Variants in GRIN2A observed in about 807,000 individuals in gnomAD.
The protein encoded by GRIN2A is glutamate ionotropic receptor NMDA type subunit 2A, also known as glutamate receptor ionotropic, NMDA 2A.
Under a neutral mutation model 113.4 loss-of-function variants are expected in GRIN2A, and 22 were observed. The ratio of observed to expected loss-of-function variants is 0.19; its 90% confidence interval spans 0.14 to 0.28. The LOEUF is 0.28. GRIN2A is among the 10% of genes least tolerant of loss of function. The probability of loss-of-function intolerance (pLI) is 1.00; values close to 1 mark genes in which losing one functional copy is unlikely to be tolerated. For synonymous variants in GRIN2A, 827 were observed against 738.4 expected (o/e 1.12, Z -1.94); for missense variants, 1,502 against 1,887.0 (o/e 0.80, Z 3.78).
chr16:10,053,731 G>A (rs1046136289), intron 2 of GRIN2A, among the ~76,000 whole-genome samples: 1 of 152,218 alleles, frequency 6.6e-6, no homozygotes, highest in Non-Finnish European at 1.5e-5. Context: ...CAGTAAAAGA[G>A]CTGTATTAGT....
rs577893273 is a variant in GRIN2A, at chr16:9,753,875, C to G, written c.*9274G>C. 5.6e-6 allele frequency: 1 copy of G among 178,612 alleles called. No individual in the cohort carries two copies. Among genetic ancestry groups the G allele is most frequent in the Non-Finnish European group, 1.2e-5 (1 of 83,296 alleles). The allele number at this position is 178,612 out of a possible 1,614,324, so 11.1% of individuals were successfully genotyped here. A position where few individuals can be genotyped will look rare whatever the true frequency, so the allele number is the denominator to read the frequency against. On this transcript the variant is annotated 3_prime_UTR_variant, in exon 13 of 13. Transcript: ENST00000330684. ...GGTTTTGGATTCTGTTTGAATGTAG[C>G]TGTGAATAGAAACCCTCTGCATATG... is the stretch of plus-strand genomic sequence containing the variant.
intron 2 of GRIN2A, among the ~76,000 whole-genome samples, chr16:10,035,326 C>T (rs1205206931): frequency 6.6e-6 from 1 of 152,170 alleles, no homozygotes; most frequent in East Asian, 1.9e-4. Context: ...ACTCCCCACC[C>T]ATCCTCACTG....
At chr16:10,141,184 C>T (rs1208725365) in intron 2 of GRIN2A, among the ~76,000 whole-genome samples, 1 of 151,996 alleles carries the variant, frequency 6.6e-6, no homozygotes. Flanking sequence ...CAGAGCAAGA[C>T]ACTGTCTCAA....
chr16:9,960,808 A>G (rs1340916349), intron 2 of GRIN2A, among the ~76,000 whole-genome samples: 2 of 152,110 alleles, frequency 1.3e-5, no homozygotes, highest in Non-Finnish European at 2.9e-5. Context: ...TATTTTTGGC[A>G]GAGATGAGGT....
At chr16:10,033,536 A>C (rs2046968173) in intron 2 of GRIN2A, 1 of 152,214 alleles carries the variant, frequency 6.6e-6, no homozygotes. Flanking sequence ...CATCAAGCTA[A>C]ATGTGTTTGG....
chr16:10,102,469 C>T (rs2048418862), intron 2 of GRIN2A, among the ~76,000 whole-genome samples: 1 of 152,202 alleles, frequency 6.6e-6, no homozygotes, highest in Non-Finnish European at 1.5e-5. Flanking sequence ...GCCTGCAGAA[C>T]CGTGAGCCAA....
At chr16:10,100,335 C>A (rs2048369805) in intron 2 of GRIN2A, among the ~76,000 whole-genome samples, 1 of 152,176 alleles carries the variant, frequency 6.6e-6, no homozygotes, top group East Asian at 1.9e-4. Context: ...GAGCAAGAAG[C>A]AAAGATGCTT....
intron 2 of GRIN2A, among the ~76,000 whole-genome samples, chr16:9,994,608 A>C (rs916450734): frequency 7.9e-5 from 12 of 152,322 alleles, no homozygotes; most frequent in African/African-American, 2.6e-4. Context: ...GATTTGTATC[A>C]AAACAGACAA....
intron 7 of GRIN2A, among the ~76,000 whole-genome samples, chr16:9,836,299 A>C (rs1428991595): frequency 6.6e-6 from 1 of 152,208 alleles, no homozygotes; most frequent in East Asian, 1.9e-4. Flanking sequence ...AGCCAGAAAT[A>C]CTGGGGCAAC....
At chr16:9,947,433 T>C (rs968517003) in intron 2 of GRIN2A, among the ~76,000 whole-genome samples, 7 of 152,234 alleles carry the variant, frequency 4.6e-5, no homozygotes, top group African/African-American at 1.7e-4. Flanking sequence ...CCGGCTATCA[T>C]ACATAGAGGA....
intron 2 of GRIN2A, among the ~76,000 whole-genome samples, chr16:10,124,933 G>C (rs914343962): frequency 6.6e-6 from 1 of 152,188 alleles, no homozygotes; most frequent in Non-Finnish European, 1.5e-5. Flanking sequence ...AACCAGTGCA[G>C]AATAGTGGGA....
chr16:9,887,396 C>T (rs774172089), intron 4 of GRIN2A, among the ~76,000 whole-genome samples: 1 of 152,174 alleles, frequency 6.6e-6, no homozygotes, highest in Admixed American at 6.5e-5. Context: ...GAACGTTTGC[C>T]TCCCTTGAAC....
chr16:10,083,739 A>G (rs191899166), intron 2 of GRIN2A, among the ~76,000 whole-genome samples: 6 of 152,282 alleles, frequency 3.9e-5, no homozygotes, highest in East Asian at 1.9e-4. Context: ...AATTCTTTCT[A>G]TGAAGAGTCC....
At chr16:10,162,636 T>C (rs1190015068) in intron 2 of GRIN2A, among the ~76,000 whole-genome samples, 2 of 152,208 alleles carry the variant, frequency 1.3e-5, no homozygotes, top group African/African-American at 4.8e-5. Flanking sequence ...ACCAGTCATG[T>C]TGGGTTAAGG....
rs4781938 is a variant in GRIN2A at position 9,849,945 on chromosome 16, T to G, written c.1139A>C (p.Asn380Thr). The G allele has an allele frequency of 6.2e-7, 1 of 1,613,898 alleles. No homozygotes were observed. Among genetic ancestry groups the G allele is most frequent in the South Asian group, 1.1e-5 (1 of 91,076 alleles). Residue 380 changes from asparagine (N) to threonine (T), a missense_variant, in exon 5 of 13, where the codon AAC becomes ACC. Physicochemically the swap from Asn to Thr is moderately conservative, Grantham distance 65. This residue lies in a region of GRIN2A where 334 missense variants were observed against 403.0 expected (regional missense o/e 0.83). Coordinates refer to ENST00000330684, the MANE Select transcript of GRIN2A (RefSeq NM_001134407.3). ...GGCGTGCCTCAGGCTCAGCGTATGG[T>G]TCTCCCACTTGCCCACCTGCAGCAC... ...REWEKVGKWENHTLSLRHAVW... is the reference protein window; with the variant it reads ...REWEKVGKWETHTLSLRHAVW...
chr16:10,102,944 T>C (rs2048428046), intron 2 of GRIN2A, among the ~76,000 whole-genome samples: 1 of 152,226 alleles, frequency 6.6e-6, no homozygotes, highest in African/African-American at 2.4e-5. Flanking sequence ...ATGGAGTGGA[T>C]GCCTCGGTTG....
chr16:10,117,789 T>C (rs1045741292), intron 2 of GRIN2A, among the ~76,000 whole-genome samples: 3 of 152,198 alleles, frequency 2.0e-5, no homozygotes, highest in Non-Finnish European at 4.4e-5. Context: ...AGTGTTAAGA[T>C]AAAAAATACA....
At chr16:9,834,878 C>G (rs1567333399) in intron 7 of GRIN2A, among the ~76,000 whole-genome samples, 1 of 152,124 alleles carries the variant, frequency 6.6e-6, no homozygotes, top group Non-Finnish European at 1.5e-5. Context: ...GCCATAGTTT[C>G]CTTTGTAATT....
chr16:9,940,983 G>T (rs2044861270), intron 2 of GRIN2A, among the ~76,000 whole-genome samples: 1 of 152,122 alleles, frequency 6.6e-6, no homozygotes, highest in Non-Finnish European at 1.5e-5. Context: ...TTGGGATGGG[G>T]CAAAAATGTT....
Sources: gnomAD v4.1 joint callset for allele counts (sites outside exome capture counted in the v4.1 genomes callset) on GRCh38, gnomAD v4.1.1 for gene constraint, gnomAD v4.1.1 regional missense constraint, MANE v1.5 for transcripts, NCBI Gene and HGNC (gene_info 2026-07-23, HGNC 2026-07-21) for gene names.